Variants in HSBP1 observed in about 807,000 individuals in gnomAD.
HSBP1 encodes the protein heat shock factor-binding protein 1.
In HSBP1, 5 loss-of-function variants were observed where a neutral mutation model predicts 9.6. The observed-to-expected ratio is 0.52, with a 90% CI of 0.27 to 1.09. The LOEUF is 1.09. Among genes scored for constraint, HSBP1 ranks in the 50% least tolerant of loss-of-function variants. The pLI, the probability that HSBP1 is intolerant of heterozygous loss-of-function variation, is 0.11. For synonymous variants in HSBP1, 42 were observed against 33.3 expected, an observed-to-expected ratio of 1.26 and a Z score of -0.90; for missense variants, 121 against 96.3, an observed-to-expected ratio of 1.26 and a Z score of -1.07.
rs894928588 is a variant in HSBP1, at chr16:83,818,391, C to G, written c.*6973C>G. 1 of 152,206 alleles carries G rather than the reference C, an allele frequency of 6.6e-6. No homozygotes were observed. Among genetic ancestry groups the G allele is most frequent in the Non-Finnish European group, 1.5e-5 (1 of 68,044 alleles). The allele number at this position is 152,206 out of a possible 1,614,324, so 9.4% of individuals were successfully genotyped here. ...ACTGACCCCAGACATTGTTCCCTGC[C>G]ATCCACTCTGCCAGACATTTCTTGG... On this transcript the variant is annotated 3_prime_UTR_variant, in exon 4 of 4. Transcript: ENST00000433866.
In HSBP1 at chr16:83,815,732, A is replaced by G. The variant is rs1259500098; in HGVS notation, c.*4314A>G. Reference sequence around the variant, plus strand: ...ACCAAAGCATATGTAGACACCACATACATGAACTACATACCTATCGTGTAG... The same window carrying G: ...ACCAAAGCATATGTAGACACCACATGCATGAACTACATACCTATCGTGTAG... On this transcript the variant is annotated 3_prime_UTR_variant, in exon 4 of 4. Coordinates refer to ENST00000433866, the MANE Select transcript of HSBP1 (RefSeq NM_001537.4). 6.6e-6 allele frequency: 1 copy of G among 152,210 alleles called. No individual in the cohort carries two copies. The highest frequency in any genetic ancestry group is 1.5e-5 in the Non-Finnish European group (1 of 68,032). 9.4% of individuals were successfully genotyped at this position (152,210 alleles called of 1,614,324 possible).
rs1158600828 is a variant in HSBP1 at position 83,816,691 on chromosome 16, C to T, written c.*5273C>T. 1 of 152,160 alleles carries T rather than the reference C, an allele frequency of 6.6e-6. No individual in the cohort carries two copies. The highest frequency in any genetic ancestry group is 1.9e-4 in the East Asian group (1 of 5,174). The allele number at this position is 152,160 out of a possible 1,614,324, so 9.4% of individuals were successfully genotyped here. ...GTAGAAACCAGGGATGCTGCGTCAACACCCTACCATGCACAGGACAACCCT... is the reference window on the plus strand; with the variant it reads ...GTAGAAACCAGGGATGCTGCGTCAATACCCTACCATGCACAGGACAACCCT... On this transcript the variant is annotated 3_prime_UTR_variant, in exon 4 of 4. Coordinates refer to ENST00000433866, the MANE Select transcript of HSBP1 (RefSeq NM_001537.4).
intron 2 of HSBP1, 129 bp from the exon 3 acceptor site, chr16:83,809,176 G>A: frequency 3.1e-6 from 2 of 650,156 alleles, no homozygotes; most frequent in East Asian, 2.7e-5. Context: ...CCACCAGCGT[G>A]TAACAGTGTC....
Position 83,817,825 on chromosome 16 carries a change from G to T in HSBP1, c.*6407G>T, listed in dbSNP as rs2151032587. 6.6e-6 allele frequency: 1 copy of T among 152,238 alleles called. No homozygotes were observed. The highest frequency in any genetic ancestry group is 1.9e-4 in the East Asian group (1 of 5,188). 9.4% of individuals were successfully genotyped at this position (152,238 alleles called of 1,614,324 possible). ...AACATAAGACCATTTGACTGATTCT[G>T]CTCCAGAATCTTATTGAGGCAAAGG... On this transcript the variant is annotated 3_prime_UTR_variant, in exon 4 of 4. Coordinates refer to ENST00000433866, the MANE Select transcript of HSBP1 (RefSeq NM_001537.4).
rs1347892254 is a variant in HSBP1 at position 83,819,665 on chromosome 16, G to A, written c.*8247G>A. The A allele has an allele frequency of 6.6e-6, 1 of 152,178 alleles. No individual in the cohort carries two copies. The highest frequency in any genetic ancestry group is 1.5e-5 in the Non-Finnish European group (1 of 68,042). The allele number at this position is 152,178 out of a possible 1,614,324, so 9.4% of individuals were successfully genotyped here. A position where few individuals can be genotyped will look rare whatever the true frequency, so the allele number is the denominator to read the frequency against. ...CGGTTGATTAAAAAGCTTTTAAAGA[G>A]CATAGTAAATATTTTACCAGAAGGA... On this transcript the variant is annotated 3_prime_UTR_variant, in exon 4 of 4. Transcript: ENST00000433866.
chr16:83,819,118 A>G lies in HSBP1; in HGVS notation c.*7700A>G, dbSNP rs1050475211. 1 of 151,796 alleles carries G rather than the reference A, an allele frequency of 6.6e-6. No homozygotes were observed. Among genetic ancestry groups the G allele is most frequent in the African/African-American group, 2.4e-5 (1 of 41,290 alleles). The allele number at this position is 151,796 out of a possible 1,614,324, so 9.4% of individuals were successfully genotyped here. A position where few individuals can be genotyped will look rare whatever the true frequency, so the allele number is the denominator to read the frequency against. ...TGGGGCGAGGGTGTTGGGTTGCCCA[A>G]CACCCTTTAGTCTAATGGCTTTAGG... On this transcript the variant is annotated 3_prime_UTR_variant, in exon 4 of 4. Coordinates refer to ENST00000433866, the MANE Select transcript of HSBP1 (RefSeq NM_001537.4).
chr16:83,809,130 G>T (rs932968897), intron 2 of HSBP1, 175 bp from the exon 3 acceptor site: 1 of 569,884 alleles, frequency 1.8e-6, no homozygotes, highest in Admixed American at 3.3e-5. Flanking sequence ...GGAATCCGAT[G>T]CGGGGTAGCC....
At chr16:83,809,454 TTTC>T (rs754257077) in intron 3 of HSBP1, 29 bp downstream of exon 3, 91 of 1,103,580 alleles carry the variant, frequency 8.2e-5, no homozygotes, top group Non-Finnish European at 1.1e-4. Flanking sequence ...TTTTTTTTCT[TTTC>T]TTTTCTTTTT....
In HSBP1 at chr16:83,816,740, C is replaced by G. The variant is rs1357389375; in HGVS notation, c.*5322C>G. 6.6e-6 allele frequency: 1 copy of G among 152,198 alleles called. No individual in the cohort carries two copies. The highest frequency in any genetic ancestry group is 1.5e-5 in the Non-Finnish European group (1 of 68,074). The allele number at this position is 152,198 out of a possible 1,614,324, so 9.4% of individuals were successfully genotyped here. A position where few individuals can be genotyped will look rare whatever the true frequency, so the allele number is the denominator to read the frequency against. On this transcript the variant is annotated 3_prime_UTR_variant, in exon 4 of 4. Coordinates refer to ENST00000433866, the MANE Select transcript of HSBP1 (RefSeq NM_001537.4). ...CTCACCCCAAAGAGTGGCACAGCCC[C>G]AAGTGTCAACAGTGCTGAGGTTGAG...
rs897494060 is a variant in HSBP1 at position 83,813,169 on chromosome 16, G to C, written c.*1751G>C. 1 of 152,330 alleles carries C rather than the reference G, an allele frequency of 6.6e-6. No homozygotes were observed. The highest frequency in any genetic ancestry group is 1.5e-5 in the Non-Finnish European group (1 of 68,132). The allele number at this position is 152,330 out of a possible 1,614,324, so 9.4% of individuals were successfully genotyped here. On this transcript the variant is annotated 3_prime_UTR_variant, in exon 4 of 4. Transcript: ENST00000433866. Reference sequence around the variant, plus strand: ...AAGGGGAAGCTGAGGAGCGGGAGGAGGGCTTGCCAAGACTGGCATTGCAGG... The same window carrying C: ...AAGGGGAAGCTGAGGAGCGGGAGGACGGCTTGCCAAGACTGGCATTGCAGG...
At position 83,809,348 on chromosome 16, in the gene HSBP1, C is replaced by T. The variant is rs768517916; in HGVS notation, c.156C>T (p.Ile52=). Residue 52 remains isoleucine, a synonymous_variant, in exon 3 of 4, where the codon ATC becomes ATT. Transcript: ENST00000433866. ...SSRIDDLEKN[I]ADLMTQAGVE... ...GCATTGATGATCTGGAAAAGAATAT[C>T]GCGGACCTCATGACACAGGCTGGGG... is the stretch of plus-strand genomic sequence containing the variant. 1.4e-5 allele frequency: 22 copies of T among 1,602,910 alleles called. No homozygotes were observed. The South Asian group carries it at 2.0e-4, about 15-fold the overall frequency.
chr16:83,815,699 T>G lies in HSBP1; in HGVS notation c.*4281T>G, dbSNP rs2151032053. 1 of 152,280 alleles carries G rather than the reference T, an allele frequency of 6.6e-6. No homozygotes were observed. Among genetic ancestry groups the G allele is most frequent in the Non-Finnish European group, 1.5e-5 (1 of 68,036 alleles). 9.4% of individuals were successfully genotyped at this position (152,280 alleles called of 1,614,324 possible). A position where few individuals can be genotyped will look rare whatever the true frequency, so the allele number is the denominator to read the frequency against. ...TATGTGGCTGTCTCATCAACAGAGC[T>G]TCATTTTACCAAAGCATATGTAGAC... On this transcript the variant is annotated 3_prime_UTR_variant, in exon 4 of 4. Transcript: ENST00000433866.
At position 83,815,798 on chromosome 16, in the gene HSBP1, T is replaced by A. The variant is rs1456878963; in HGVS notation, c.*4380T>A. The stretch of plus-strand genomic sequence containing the variant: ...ATAAGAACACTCTTGACTGTCCTGC[T>A]TCACAATAATAATCTTCGCAATAAT... On this transcript the variant is annotated 3_prime_UTR_variant, in exon 4 of 4. Transcript: ENST00000433866. 1.3e-5 allele frequency: 2 copies of A among 152,220 alleles called. No homozygotes were observed. Among genetic ancestry groups the A allele is most frequent in the African/African-American group, 4.8e-5 (2 of 41,458 alleles). The allele number at this position is 152,220 out of a possible 1,614,324, so 9.4% of individuals were successfully genotyped here.
In HSBP1 at chr16:83,811,933, T is replaced by A. The variant is rs1904609888; in HGVS notation, c.*515T>A. On this transcript the variant is annotated 3_prime_UTR_variant, in exon 4 of 4. Transcript: ENST00000433866. ...ATGGCTGAAAACACCTAAAAATTGT[T>A]CATTCAGAAATATCTGTCACTGCTC... 1 of 152,476 alleles carries A rather than the reference T, an allele frequency of 6.6e-6. No individual in the cohort carries two copies. The highest frequency in any genetic ancestry group is 1.5e-5 in the Non-Finnish European group (1 of 68,050). 9.4% of individuals were successfully genotyped at this position (152,476 alleles called of 1,614,324 possible).
intron 3 of HSBP1, among the ~76,000 whole-genome samples, chr16:83,810,952 T>A (rs780323610): frequency 6.6e-6 from 1 of 152,234 alleles, no homozygotes; most frequent in Non-Finnish European, 1.5e-5. Context: ...AGATTTGGGA[T>A]GTTGAAGACA....
chr16:83,818,489 C>T lies in HSBP1; in HGVS notation c.*7071C>T, dbSNP rs964034370. The T allele has an allele frequency of 1.3e-5, 2 of 152,156 alleles. No individual in the cohort carries two copies. Among genetic ancestry groups the T allele is most frequent in the Non-Finnish European group, 2.9e-5 (2 of 68,034 alleles). The allele number at this position is 152,156 out of a possible 1,614,324, so 9.4% of individuals were successfully genotyped here. On this transcript the variant is annotated 3_prime_UTR_variant, in exon 4 of 4. Transcript: ENST00000433866. ...GCTAGTAATGCTTCCAACAAGTTAC[C>T]GTTTAGCAAGTTCAGAACTTGAAGA...
chr16:83,808,235 C>G (rs770747053), intron 1 of HSBP1, 114 bp downstream of exon 1: 18 of 911,068 alleles, frequency 2.0e-5, no homozygotes, highest in Middle Eastern at 2.6e-4. Context: ...GCCGAGGCCC[C>G]GTTTCTGGAA....
At chr16:83,809,913 T>G (rs1904562017) in intron 3 of HSBP1, among the ~76,000 whole-genome samples, 1 of 152,162 alleles carries the variant, frequency 6.6e-6, no homozygotes, top group Non-Finnish European at 1.5e-5. Flanking sequence ...TGTTTTGAAA[T>G]TTTTCATGCC....
In HSBP1 at chr16:83,813,442, C is replaced by T. The variant is rs1904647228; in HGVS notation, c.*2024C>T. On this transcript the variant is annotated 3_prime_UTR_variant, in exon 4 of 4. Transcript: ENST00000433866. ...ATAGCTCACTTGGAGCCTGAAGCTC[C>T]TGGGCTCAGGCAGTCCTCCTGCCTC... 1 of 152,508 alleles carries T rather than the reference C, an allele frequency of 6.6e-6. No homozygotes were observed. The highest frequency in any genetic ancestry group is 2.1e-4 in the South Asian group (1 of 4,834). The allele number at this position is 152,508 out of a possible 1,614,324, so 9.4% of individuals were successfully genotyped here. A position where few individuals can be genotyped will look rare whatever the true frequency, so the allele number is the denominator to read the frequency against.
Sources: gnomAD v4.1 joint callset for allele counts (sites outside exome capture counted in the v4.1 genomes callset) on GRCh38, gnomAD v4.1.1 for gene constraint, MANE v1.5 for transcripts, NCBI Gene and HGNC (gene_info 2026-07-23, HGNC 2026-07-21) for gene names.